The following AJAP1 variants were observed in gnomAD, a reference collection of about 807,000 sequenced individuals.
AJAP1 encodes adherens junctions associated protein 1.
AJAP1 carries 5 observed loss-of-function variants against 35.0 expected under a neutral mutation model. The observed-to-expected ratio is 0.14, with a 90% confidence interval of 0.07 to 0.30. The LOEUF is 0.30. Among genes scored for constraint, AJAP1 ranks in the 10% least tolerant of loss-of-function variants. AJAP1 has a pLI of 1.00. For missense variants in AJAP1, 586 were observed against 571.0 expected (o/e 1.03, Z -0.27); for synonymous variants, 284 against 249.3 (o/e 1.14, Z -1.31).
At chr1:4,740,523 C>T (rs1388560700) in intron 2 of AJAP1, among the ~76,000 whole-genome samples, 4 of 151,890 alleles carry the variant, frequency 2.6e-5, no homozygotes, top group South Asian at 2.1e-4. Context: ...CGGTGGCTCA[C>T]GCCTGTCATC....
At chr1:4,764,928 A>G (rs1312900969) in intron 2 of AJAP1, among the ~76,000 whole-genome samples, 2 of 152,242 alleles carry the variant, frequency 1.3e-5, no homozygotes, top group Admixed American at 6.5e-5. Context: ...TTCCACATCA[A>G]TCTTCAGGGC....
intron 5 of AJAP1, among the ~76,000 whole-genome samples, chr1:4,779,592 A>G (rs2802719): frequency 0.8 from 121,830 of 152,056 alleles, 49,270 homozygotes; most frequent in African/African-American, 0.87. Context: ...CCGGGGCCAC[A>G]GTTCAGGCAG....
At chr1:4,719,226 G>T (rs1640464237) in intron 2 of AJAP1, among the ~76,000 whole-genome samples, 1 of 152,188 alleles carries the variant, frequency 6.6e-6, no homozygotes, top group Non-Finnish European at 1.5e-5. Flanking sequence ...ATTATTCAAT[G>T]AACCATCAGC....
intron 1 of AJAP1, among the ~76,000 whole-genome samples, chr1:4,671,567 C>T (rs370876275): frequency 6.6e-6 from 1 of 151,946 alleles, no homozygotes; most frequent in African/African-American, 2.4e-5. Context: ...GGAGGAAATG[C>T]ACCACCGGGA....
intron 1 of AJAP1, among the ~76,000 whole-genome samples, chr1:4,663,476 C>A (rs530308275): frequency 2.6e-5 from 4 of 152,266 alleles, no homozygotes; most frequent in Non-Finnish European, 4.4e-5. Context: ...TTGGAAGAAC[C>A]CAACTGCATA....
At position 4,748,874 on chromosome 1, in the gene AJAP1, A is replaced by G. The variant is rs1307159284; in HGVS notation, c.830-20979A>G. ...ATGCAGCAAAAGGCACCATCTTAGA[A>G]GCAGAGAGCAGCCCTTGCTAGACCC... On this transcript the variant is annotated intron_variant, in intron 2 of 5. Coordinates refer to ENST00000378191, the MANE Select transcript of AJAP1 (RefSeq NM_018836.4). Among the ~76,000 whole-genome samples the G allele has an allele frequency of 2.0e-5, 3 of 152,144 alleles. No homozygotes were observed. The South Asian group carries it at 6.2e-4, about 32-fold the overall frequency.
rs765787090 is a variant in AJAP1, at chr1:4,772,260, C to T, written c.918-20C>T. The stretch of plus-strand genomic sequence containing the variant: ...TCCGGCCTCTGCCCGTCCCCCTACC[C>T]CAAACTCTTTCTCTTCCAGCTGTGC... On this transcript the variant is annotated intron_variant, in intron 3 of 5. Transcript: ENST00000378191. 1.5e-5 allele frequency: 25 copies of T among 1,613,320 alleles called. No homozygotes were observed. The South Asian group carries it at 2.6e-4, about 17-fold the overall frequency.
chr1:4,769,791 G>C, intron 2 of AJAP1, 62 bp from the exon 3 acceptor site: 1 of 1,440,814 alleles, frequency 6.9e-7, no homozygotes, highest in South Asian at 1.1e-5. Flanking sequence ...ACCTTTCCCG[G>C]CCCCCCTCGC....
chr1:4,769,834 C>T lies in AJAP1; in HGVS notation c.830-19C>T. 1 of 1,610,108 alleles carries T rather than the reference C, an allele frequency of 6.2e-7. No homozygotes were observed. Among genetic ancestry groups the T allele is most frequent in the African/African-American group, 1.3e-5 (1 of 74,926 alleles). The stretch of plus-strand genomic sequence containing the variant: ...ACCTGGTTTCACGGGTGCCCTCTTC[C>T]CTCTTTCCTTCTTTCCAGGTCTGGC... On this transcript the variant is annotated intron_variant, in intron 2 of 5. Coordinates refer to ENST00000378191, the MANE Select transcript of AJAP1 (RefSeq NM_018836.4).
chr1:4,739,690 G>T (rs76770766), intron 2 of AJAP1, among the ~76,000 whole-genome samples: 2,040 of 152,286 alleles, frequency 0.013, 17 homozygotes, highest in Admixed American at 0.022. Flanking sequence ...TCTGAAGAGG[G>T]GGAGGAGGCA....
chr1:4,774,405 C>T (rs1641902207), intron 4 of AJAP1, 22 bp from the exon 5 acceptor site: 1 of 1,612,972 alleles, frequency 6.2e-7, no homozygotes, highest in Non-Finnish European at 8.5e-7. Context: ...CACGCCAAAG[C>T]CCATTTTTCT....
At chr1:4,674,906 T>C (rs1349478752) in intron 1 of AJAP1, among the ~76,000 whole-genome samples, 2 of 152,216 alleles carry the variant, frequency 1.3e-5, no homozygotes, top group East Asian at 3.9e-4. Context: ...ACATTCAGCG[T>C]TTTCAAACAG....
intron 2 of AJAP1, among the ~76,000 whole-genome samples, chr1:4,726,424 G>T (rs748036056): frequency 9.9e-5 from 15 of 152,194 alleles, no homozygotes; most frequent in African/African-American, 2.7e-4. Context: ...GCCCAGTGGG[G>T]TGAGCAGAGT....
Position 4,689,332 on chromosome 1 carries a change from T to TG in AJAP1, c.30-22568_30-22567insG, listed in dbSNP as rs377567876. 7.9e-5 allele frequency among the ~76,000 whole-genome samples: 12 copies of TG among 152,344 alleles called. No homozygotes were observed. The East Asian group carries it at 1.2e-3, about 15-fold the overall frequency. On this transcript the variant is annotated intron_variant, in intron 1 of 5. Transcript: ENST00000378191. Reference sequence around the variant, plus strand: ...CCCGATTAACAACTAAACAAGCAATTTGTTGCACCTAAAATACCTATTTTC... The same window carrying TG: ...CCCGATTAACAACTAAACAAGCAATTGTGTTGCACCTAAAATACCTATTTTC...
chr1:4,738,710 C>A (rs1640989499), intron 2 of AJAP1, among the ~76,000 whole-genome samples: 1 of 152,114 alleles, frequency 6.6e-6, no homozygotes, highest in Non-Finnish European at 1.5e-5. Context: ...GGAAGGGTTC[C>A]CTGGGCTGCT....
chr1:4,755,874 G>A (rs1641419049), intron 2 of AJAP1, among the ~76,000 whole-genome samples: 1 of 152,076 alleles, frequency 6.6e-6, no homozygotes, highest in African/African-American at 2.4e-5. Context: ...GGTTCTGGCT[G>A]TTAAACCCAC....
At chr1:4,660,559 GAAAC>G in intron 1 of AJAP1, among the ~76,000 whole-genome samples, 1 of 152,100 alleles carries the variant, frequency 6.6e-6, no homozygotes, top group Non-Finnish European at 1.5e-5. Flanking sequence ...TTAATTAAAA[GAAAC>G]AAACTAACAT....
At chr1:4,732,848 G>GA (rs1640832129) in intron 2 of AJAP1, among the ~76,000 whole-genome samples, 1 of 152,202 alleles carries the variant, frequency 6.6e-6, no homozygotes, top group African/African-American at 2.4e-5. Flanking sequence ...AGTCTGCTTC[G>GA]AAAATTGGAG....
intron 1 of AJAP1, among the ~76,000 whole-genome samples, chr1:4,657,221 C>T (rs1240455062): frequency 6.6e-6 from 1 of 152,216 alleles, no homozygotes; most frequent in Non-Finnish European, 1.5e-5. Context: ...AAAACAGTTC[C>T]TCTCAAGCAT....
Sources: allele counts gnomAD v4.1 joint callset (sites outside exome capture counted in the v4.1 genomes callset), GRCh38; gene constraint gnomAD v4.1.1; transcripts MANE v1.5; gene names NCBI Gene and HGNC (gene_info 2026-07-23, HGNC 2026-07-21).